LCLAT1: variants seen among roughly 807,000 people sequenced by gnomAD.
LCLAT1 encodes the protein 1-AGP acyltransferase 8.
In LCLAT1, 11 loss-of-function variants were observed where a neutral mutation model predicts 30.7. The ratio of observed to expected loss-of-function variants is 0.36; its 90% CI spans 0.23 to 0.59. The LOEUF is 0.59. LCLAT1 is among the 20% of genes least tolerant of loss of function. LCLAT1 has a pLI of 0.77. For synonymous variants in LCLAT1, 155 were observed against 151.3 expected, an observed-to-expected ratio of 1.02 and a Z score of -0.18; for missense variants, 402 against 458.6, an observed-to-expected ratio of 0.88 and a Z score of 1.13.
chr2:30,566,619 C>T (rs559029724), intron 4 of LCLAT1, among the ~76,000 whole-genome samples: 7 of 152,002 alleles, frequency 4.6e-5, no homozygotes, highest in South Asian at 2.1e-4. Context: ...AAAGTTGTGT[C>T]GATATAGATA....
chr2:30,475,434 A>G (rs1324343281), intron 1 of LCLAT1, among the ~76,000 whole-genome samples: 2 of 152,130 alleles, frequency 1.3e-5, no homozygotes, highest in African/African-American at 4.8e-5. Context: ...TAAACATGTA[A>G]CCGTTAAAAT....
chr2:30,536,958 A>G (rs1686276190), intron 3 of LCLAT1, among the ~76,000 whole-genome samples: 1 of 152,254 alleles, frequency 6.6e-6, no homozygotes, highest in South Asian at 2.1e-4. Context: ...ACCCAACTAT[A>G]TGCTGCCTGC....
chr2:30,597,147 A>G (rs1337071686), intron 5 of LCLAT1, among the ~76,000 whole-genome samples: 1 of 147,830 alleles, frequency 6.8e-6, no homozygotes, highest in Admixed American at 6.9e-5. Flanking sequence ...GTTCCATATG[A>G]ATTTTAAAAG....
At chr2:30,466,336 C>T (rs1379240914) in intron 1 of LCLAT1, among the ~76,000 whole-genome samples, 1 of 151,678 alleles carries the variant, frequency 6.6e-6, no homozygotes, top group Non-Finnish European at 1.5e-5. Flanking sequence ...TCAAGTGATC[C>T]TCCCACCTTG....
chr2:30,568,741 T>C (rs1665631682), intron 5 of LCLAT1, among the ~76,000 whole-genome samples: 1 of 150,748 alleles, frequency 6.6e-6, no homozygotes, highest in Non-Finnish European at 1.5e-5. Flanking sequence ...TTTCCTGACC[T>C]CGTGATCCAG....
At chr2:30,546,049 G>C (rs35956424) in intron 3 of LCLAT1, among the ~76,000 whole-genome samples, 7 of 152,288 alleles carry the variant, frequency 4.6e-5, no homozygotes, top group African/African-American at 1.7e-4. Context: ...CTGCAATGTA[G>C]TGTAGTGGTG....
chr2:30,532,879 A>G (rs1202059415), intron 2 of LCLAT1, among the ~76,000 whole-genome samples: 1 of 152,188 alleles, frequency 6.6e-6, no homozygotes, highest in Non-Finnish European at 1.5e-5. Context: ...CTTGATTTCA[A>G]GGACAATCAG....
chr2:30,502,930 C>T (rs1374782448), intron 1 of LCLAT1, among the ~76,000 whole-genome samples: 1 of 152,214 alleles, frequency 6.6e-6, no homozygotes, highest in African/African-American at 2.4e-5. Flanking sequence ...ATTTATTGAG[C>T]AGTACTGTTC....
chr2:30,502,514 C>A lies in LCLAT1; in HGVS notation c.-4-23073C>A, dbSNP rs115403407. Among the ~76,000 whole-genome samples, 1,015 of 152,262 alleles carry A rather than the reference C, an allele frequency of 6.7e-3. 10 individuals carry two copies. Among genetic ancestry groups the A allele is most frequent in the African/African-American group, 0.023 (964 of 41,534 alleles). On this transcript the variant is annotated intron_variant, in intron 1 of 5. Transcript: ENST00000379509. ...TAAGCTTTGTACTAATTAGTAGTCA[C>A]CTCACATTCCCACTGTCCCCAGCCC...
At chr2:30,576,018 A>G (rs1665980332) in intron 5 of LCLAT1, among the ~76,000 whole-genome samples, 2 of 152,126 alleles carry the variant, frequency 1.3e-5, no homozygotes, top group African/African-American at 2.4e-5. Flanking sequence ...TTTTGAAAAT[A>G]TATGTTCTTT....
chr2:30,617,943 AT>A (rs894677098), intron 5 of LCLAT1, among the ~76,000 whole-genome samples: 6 of 152,096 alleles, frequency 3.9e-5, no homozygotes, highest in Non-Finnish European at 8.8e-5. Context: ...TGTGGCTTGC[AT>A]TTTTATTTCC....
At chr2:30,465,247 C>T (rs1475320922) in intron 1 of LCLAT1, among the ~76,000 whole-genome samples, 1 of 152,020 alleles carries the variant, frequency 6.6e-6, no homozygotes, top group Non-Finnish European at 1.5e-5. Context: ...TATACGTACA[C>T]AGAGGAGGAG....
chr2:30,534,662 A>G (rs1184148042), intron 3 of LCLAT1, among the ~76,000 whole-genome samples: 1 of 152,156 alleles, frequency 6.6e-6, no homozygotes, highest in Non-Finnish European at 1.5e-5. Flanking sequence ...GATTTCTTAC[A>G]TGGCAGCTGG....
chr2:30,603,552 T>G (rs1296038123), intron 5 of LCLAT1, among the ~76,000 whole-genome samples: 1 of 151,760 alleles, frequency 6.6e-6, no homozygotes, highest in Non-Finnish European at 1.5e-5. Flanking sequence ...GAGGACAGAA[T>G]AGGCATTTTC....
chr2:30,610,406 C>T lies in LCLAT1; in HGVS notation c.629-29711C>T, dbSNP rs967674136. Among the ~76,000 whole-genome samples the T allele has an allele frequency of 6.6e-5, 10 of 152,206 alleles. No individual in the cohort carries two copies. In the East Asian group the frequency reaches 1.5e-3, roughly 23 times the overall value. On this transcript the variant is annotated intron_variant, in intron 5 of 5. Coordinates refer to ENST00000379509, the MANE Select transcript of LCLAT1 (RefSeq NM_001002257.3). ...TCTAAGCTAACGCTTTTCATTAAATCTCCTTCTGATTAAGATAGCTCCATA... is the reference window on the plus strand; with the variant it reads ...TCTAAGCTAACGCTTTTCATTAAATTTCCTTCTGATTAAGATAGCTCCATA...
At chr2:30,553,581 C>T (rs934195836) in intron 3 of LCLAT1, among the ~76,000 whole-genome samples, 2 of 151,604 alleles carry the variant, frequency 1.3e-5, no homozygotes, top group African/African-American at 2.4e-5. Flanking sequence ...TTTGGGAGGC[C>T]GAGGCGGGTG....
intron 1 of LCLAT1, among the ~76,000 whole-genome samples, chr2:30,461,499 G>A (rs531129218): frequency 1.8e-3 from 280 of 152,084 alleles, no homozygotes; most frequent in African/African-American, 6.6e-3. Context: ...AGGCTGAAGC[G>A]GTCCTCCTGC....
At chr2:30,554,000 G>GA (rs543908295) in intron 3 of LCLAT1, among the ~76,000 whole-genome samples, 7 of 151,932 alleles carry the variant, frequency 4.6e-5, no homozygotes, top group Non-Finnish European at 1.0e-4. Context: ...CAATCAAATG[G>GA]AAAAAAACCC....
intron 1 of LCLAT1, among the ~76,000 whole-genome samples, chr2:30,507,136 G>A (rs1161115464): frequency 2.6e-5 from 4 of 151,944 alleles, no homozygotes; most frequent in Non-Finnish European, 5.9e-5. Flanking sequence ...TTAATTTTAT[G>A]TATTTGATTT....
Sources: gnomAD v4.1 joint callset for allele counts (sites outside exome capture counted in the v4.1 genomes callset) on GRCh38, gnomAD v4.1.1 for gene constraint, MANE v1.5 for transcripts, NCBI Gene and HGNC (gene_info 2026-07-23, HGNC 2026-07-21) for gene names.